Variants in BICD1 observed in about 807,000 individuals in gnomAD.
The protein encoded by BICD1 is BICD cargo adaptor 1, also known as protein bicaudal D homolog 1.
In BICD1, 35 loss-of-function variants were observed where a neutral mutation model predicts 92.5. The ratio of observed to expected loss-of-function variants is 0.38; its 90% CI spans 0.29 to 0.50. The LOEUF (loss-of-function observed/expected upper bound fraction) is 0.50. Among genes scored for constraint, BICD1 ranks in the 20% least tolerant of loss-of-function variants. The pLI is 0.93. For synonymous variants in BICD1, 429 were observed against 465.1 expected (o/e 0.92, Z 1.00); for missense variants, 950 against 1,189.8 (o/e 0.80, Z 2.97).
chr12:32,230,738 G>A lies in BICD1; in HGVS notation c.426+14279G>A, dbSNP rs1196709255. The stretch of plus-strand genomic sequence containing the variant: ...TCTCACCTCACTTTCCAGCCATGTG[G>A]AGCAAAAGGGGCATCTGTCTCAGGC... On this transcript the variant is annotated intron_variant, in intron 2 of 9. Coordinates refer to ENST00000652176, the MANE Select transcript of BICD1 (RefSeq NM_001714.4). Among the ~76,000 whole-genome samples, 7 of 152,182 alleles carry A rather than the reference G, an allele frequency of 4.6e-5. No homozygotes were observed. The East Asian group carries it at 1.4e-3, about 29-fold the overall frequency.
chr12:32,223,706 C>G (rs1317578406), intron 2 of BICD1, among the ~76,000 whole-genome samples: 1 of 152,166 alleles, frequency 6.6e-6, no homozygotes, highest in Non-Finnish European at 1.5e-5. Context: ...CACAATTTGG[C>G]TAACTTAGCT....
intron 1 of BICD1, among the ~76,000 whole-genome samples, chr12:32,185,088 C>T (rs933289395): frequency 2.6e-5 from 4 of 152,156 alleles, no homozygotes; most frequent in Non-Finnish European, 4.4e-5. Flanking sequence ...CACTATTTGG[C>T]AGGGGAAGCA....
intron 2 of BICD1, among the ~76,000 whole-genome samples, chr12:32,223,656 T>C (rs988830805): frequency 6.6e-5 from 10 of 152,040 alleles, no homozygotes; most frequent in Non-Finnish European, 1.0e-4. Flanking sequence ...GTCAATGGAG[T>C]AGCACTTTTA....
intron 7 of BICD1, 168 bp from the exon 8 acceptor site, chr12:32,338,618 T>G: frequency 1.8e-6 from 1 of 569,772 alleles, no homozygotes; most frequent in South Asian, 2.6e-5. Context: ...CCAAATAGGG[T>G]TGTATCCTGA....
intron 1 of BICD1, among the ~76,000 whole-genome samples, chr12:32,126,910 G>A (rs187059751): frequency 5.1e-4 from 77 of 152,216 alleles, no homozygotes; most frequent in African/African-American, 1.8e-3. Context: ...TTATGAGGTC[G>A]TGCCTCTTCA....
intron 3 of BICD1, among the ~76,000 whole-genome samples, chr12:32,296,254 T>G (rs1473469138): frequency 1.6e-5 from 1 of 61,246 alleles, no homozygotes; most frequent in African/African-American, 4.9e-5. Flanking sequence ...GGGTTTTTTT[T>G]TGTTTTTTTT....
chr12:32,251,004 AT>A (rs1043915371), intron 2 of BICD1, among the ~76,000 whole-genome samples: 4 of 152,304 alleles, frequency 2.6e-5, no homozygotes, highest in African/African-American at 9.6e-5. Flanking sequence ...AAGAAGAAGT[AT>A]AAGGATGAAA....
At chr12:32,294,510 A>G (rs1281326259) in intron 3 of BICD1, among the ~76,000 whole-genome samples, 1 of 151,548 alleles carries the variant, frequency 6.6e-6, no homozygotes, top group Non-Finnish European at 1.5e-5. Flanking sequence ...AATCCCAGCT[A>G]CTTGGGAGGC....
intron 1 of BICD1, among the ~76,000 whole-genome samples, chr12:32,143,367 A>G (rs904689287): frequency 5.3e-5 from 8 of 152,164 alleles, no homozygotes; most frequent in African/African-American, 1.4e-4. Context: ...GTTTTATCAC[A>G]CATAATTTAG....
In BICD1 at chr12:32,337,424, A is replaced by C; in HGVS notation, c.2253-75A>C. On this transcript the variant is annotated intron_variant, in intron 6 of 9. Transcript: ENST00000652176. This position sits in a 1 kb window ranked among gnomAD's most constrained non-coding sequence, Gnocchi z 4.7. ...AAATTTCTAAATTTCGGTCAAATTT[A>C]TTACTTTTCAGCTTAACTCCCAAAT... 1 of 1,410,574 alleles carries C rather than the reference A, an allele frequency of 7.1e-7. No homozygotes were observed. Among genetic ancestry groups the C allele is most frequent in the Non-Finnish European group, 9.7e-7 (1 of 1,029,740 alleles). The allele number at this position is 1,410,574 out of a possible 1,614,324, so 87.4% of individuals were successfully genotyped here.
At chr12:32,116,492 T>C (rs10844130) in intron 1 of BICD1, among the ~76,000 whole-genome samples, 4,710 of 122,354 alleles carry the variant, frequency 0.038, 139 homozygotes, top group Middle Eastern at 0.14. Context: ...CTCTCTCTCT[T>C]TCTCTCTCTC....
At position 32,233,322 on chromosome 12, in the gene BICD1, T is replaced by TTAAAAAAAAAAAAAAAAAAAAAAAA. The variant is rs35803631; in HGVS notation, c.426+16863_426+16864insTAAAAAAAAAAAAAAAAAAAAAAAA. 4.7e-5 allele frequency among the ~76,000 whole-genome samples: 6 copies of TTAAAAAAAAAAAAAAAAAAAAAAAA among 127,080 alleles called. 1 individual carries two copies. The highest frequency in any genetic ancestry group is 1.8e-4 in the African/African-American group (6 of 33,946). The allele number at this position is 127,080 out of a possible 152,430, so 83.4% of individuals were successfully genotyped here. A position where few individuals can be genotyped will look rare whatever the true frequency, so the allele number is the denominator to read the frequency against. On this transcript the variant is annotated intron_variant, in intron 2 of 9. Coordinates refer to ENST00000652176, the MANE Select transcript of BICD1 (RefSeq NM_001714.4). The stretch of plus-strand genomic sequence containing the variant: ...GGATGACAGAGCAAGAGTCTGTCTT[T>TTAAAAAAAAAAAAAAAAAAAAAAAA]AAAAAAAAAAAAAAAAAAGTAGGCT...
At position 32,347,163 on chromosome 12, in the gene BICD1, C is replaced by T. The variant is rs188171764; in HGVS notation, c.2764+8184C>T. ...ACAGGGTTTCTCCATGTTGGTCAGG[C>T]TGGTCTTGAATTCCTGACCTCAGTT... On this transcript the variant is annotated intron_variant, in intron 8 of 9. Coordinates refer to ENST00000652176, the MANE Select transcript of BICD1 (RefSeq NM_001714.4). Among the ~76,000 whole-genome samples, 27 of 151,202 alleles carry T rather than the reference C, an allele frequency of 1.8e-4. No individual in the cohort carries two copies. The South Asian group carries it at 2.5e-3, about 14-fold the overall frequency.
chr12:32,170,014 G>A (rs956784143), intron 1 of BICD1, among the ~76,000 whole-genome samples: 2 of 152,202 alleles, frequency 1.3e-5, no homozygotes, highest in African/African-American at 2.4e-5. Flanking sequence ...GAGTTGACAC[G>A]GGTCCTTTTC....
intron 2 of BICD1, among the ~76,000 whole-genome samples, chr12:32,288,927 A>G (rs999809372): frequency 1.1e-4 from 17 of 152,182 alleles, no homozygotes; most frequent in Non-Finnish European, 4.4e-5. Flanking sequence ...TGTCTTTTAC[A>G]CTTTTTAAAA....
intron 9 of BICD1, among the ~76,000 whole-genome samples, chr12:32,374,039 C>T (rs1450476180): frequency 1.3e-5 from 2 of 151,294 alleles, no homozygotes; most frequent in Non-Finnish European, 1.5e-5. Flanking sequence ...CATGGTGAAA[C>T]TCTGTCTCTA....
intron 2 of BICD1, among the ~76,000 whole-genome samples, chr12:32,222,473 A>T (rs771465549): frequency 7.9e-5 from 12 of 152,192 alleles, no homozygotes; most frequent in Non-Finnish European, 1.3e-4. Context: ...TGTCCAGAGC[A>T]CATGGGTACC....
At chr12:32,190,237 A>G (rs914555006) in intron 1 of BICD1, among the ~76,000 whole-genome samples, 1 of 152,236 alleles carries the variant, frequency 6.6e-6, no homozygotes, top group Non-Finnish European at 1.5e-5. Flanking sequence ...TTAAGCCCTT[A>G]ACTCTCAATA....
At chr12:32,274,856 C>T (rs1028174488) in intron 2 of BICD1, among the ~76,000 whole-genome samples, 2 of 152,124 alleles carry the variant, frequency 1.3e-5, no homozygotes, top group African/African-American at 2.4e-5. Flanking sequence ...TATTACATAA[C>T]CTCCCTTGCC....
Sources: gnomAD v4.1 joint callset for allele counts (sites outside exome capture counted in the v4.1 genomes callset) on GRCh38, gnomAD v4.1.1 for gene constraint, Gnocchi (gnomAD v3.1) non-coding constraint, MANE v1.5 for transcripts, NCBI Gene and HGNC (gene_info 2026-07-23, HGNC 2026-07-21) for gene names.